The following UBE3D variants were observed in gnomAD, a reference collection of about 807,000 sequenced individuals.
UBE3D encodes the protein E3 ubiquitin-protein ligase E3D.
In UBE3D, 48 loss-of-function variants were observed where a neutral mutation model predicts 49.6. The ratio of observed to expected loss-of-function variants is 0.97; its 90% CI spans 0.77 to 1.23. The LOEUF is 1.23. Among genes scored for constraint, UBE3D ranks in the 50% most tolerant of loss-of-function variants. The pLI, the probability that UBE3D is intolerant of heterozygous loss-of-function variation, is 0.00. For missense variants in UBE3D, 452 were observed against 468.4 expected, an observed-to-expected ratio of 0.96 and a Z score of 0.32; for synonymous variants, 189 against 174.2, an observed-to-expected ratio of 1.08 and a Z score of -0.67.
At chr6:82,942,669 A>G (rs1038511401) in intron 9 of UBE3D, among the ~76,000 whole-genome samples, 1 of 152,230 alleles carries the variant, frequency 6.6e-6, no homozygotes, top group Non-Finnish European at 1.5e-5. Flanking sequence ...GGTGGCTTAC[A>G]TGTGGTATTG....
chr6:82,893,071 T>C, intron 9 of UBE3D, 29 bp from the exon 10 acceptor site: 1 of 1,612,746 alleles, frequency 6.2e-7, no homozygotes, highest in Middle Eastern at 1.7e-4. Flanking sequence ...CCCACAATGC[T>C]TTACTTCTAT....
chr6:82,889,129 T>C (rs1770938053), downstream of UBE3D, among the ~76,000 whole-genome samples: 1 of 152,228 alleles, frequency 6.6e-6, no homozygotes, highest in South Asian at 2.1e-4. Context: ...ACTCCTCTGA[T>C]GGGTAACACT....
intron 9 of UBE3D, among the ~76,000 whole-genome samples, chr6:82,901,630 G>T (rs2127717878): frequency 6.6e-6 from 1 of 152,222 alleles, no homozygotes; most frequent in African/African-American, 2.4e-5. Context: ...AGCTAATTAG[G>T]CGAGGACTCA....
chr6:82,894,187 C>T (rs922143235), intron 9 of UBE3D, among the ~76,000 whole-genome samples: 6 of 152,086 alleles, frequency 3.9e-5, no homozygotes, highest in African/African-American at 1.2e-4. Context: ...GTAAGCCTCG[C>T]CCCCACCCCC....
chr6:82,964,850 T>C (rs188163241), intron 8 of UBE3D, among the ~76,000 whole-genome samples: 23 of 152,300 alleles, frequency 1.5e-4, no homozygotes, highest in African/African-American at 5.3e-4. Flanking sequence ...TCAAAAGCAT[T>C]AATTAAATAA....
chr6:82,968,426 C>A (rs776901352), intron 8 of UBE3D, among the ~76,000 whole-genome samples: 13 of 149,172 alleles, frequency 8.7e-5, no homozygotes, highest in Admixed American at 8.7e-4. Flanking sequence ...CTATATAACA[C>A]ATCAAGGTGT....
intron 2 of UBE3D, among the ~76,000 whole-genome samples, chr6:83,056,223 C>T (rs1783807022): frequency 1.3e-5 from 2 of 152,086 alleles, no homozygotes; most frequent in African/African-American, 2.4e-5. Flanking sequence ...GGGCAAAAAC[C>T]CAATACTATG....
chr6:82,985,271 T>C (rs1778396942), intron 8 of UBE3D, among the ~76,000 whole-genome samples: 1 of 152,186 alleles, frequency 6.6e-6, no homozygotes, highest in Non-Finnish European at 1.5e-5. Flanking sequence ...AGATTTTGAG[T>C]CACTGTTAAA....
chr6:83,015,694 T>C (rs1473861763), intron 8 of UBE3D, among the ~76,000 whole-genome samples: 1 of 152,180 alleles, frequency 6.6e-6, no homozygotes, highest in Non-Finnish European at 1.5e-5. Context: ...AGTCTAGTTA[T>C]AGGTCTAGAA....
intron 3 of UBE3D, among the ~76,000 whole-genome samples, chr6:83,051,333 G>A (rs1783455329): frequency 6.6e-6 from 1 of 152,124 alleles, no homozygotes; most frequent in African/African-American, 2.4e-5. Flanking sequence ...AGTGAGTGCT[G>A]CCCTTTTAGT....
chr6:82,960,890 C>A (rs992861989), intron 8 of UBE3D, among the ~76,000 whole-genome samples: 1 of 152,126 alleles, frequency 6.6e-6, no homozygotes, highest in Non-Finnish European at 1.5e-5. Context: ...ATACCACTGA[C>A]CCCAACTCCT....
chr6:82,965,570 C>T (rs998461761), intron 8 of UBE3D, among the ~76,000 whole-genome samples: 6 of 116,724 alleles, frequency 5.1e-5, no homozygotes, highest in African/African-American at 1.7e-4. Context: ...ACAACAAGAG[C>T]GAAACTCCAT....
chr6:82,967,070 A>G (rs1444908293), intron 8 of UBE3D, among the ~76,000 whole-genome samples: 1 of 152,084 alleles, frequency 6.6e-6, no homozygotes, highest in African/African-American at 2.4e-5. Flanking sequence ...CAAGCCCCAC[A>G]TGATTTACTC....
chr6:82,978,546 A>C (rs941438832), intron 8 of UBE3D, among the ~76,000 whole-genome samples: 1 of 152,188 alleles, frequency 6.6e-6, no homozygotes, highest in Non-Finnish European at 1.5e-5. Context: ...AAAGTTTTAC[A>C]CTTGCATATG....
At chr6:82,990,171 T>A (rs763733485) in intron 8 of UBE3D, among the ~76,000 whole-genome samples, 9 of 152,196 alleles carry the variant, frequency 5.9e-5, no homozygotes, top group Admixed American at 2.0e-4. Context: ...GAATCCCTCA[T>A]GTGGCTGAAG....
intron 1 of UBE3D, among the ~76,000 whole-genome samples, chr6:83,063,503 G>C (rs563126127): frequency 6.7e-6 from 1 of 149,774 alleles, no homozygotes; most frequent in African/African-American, 2.5e-5. Context: ...ATTTATGTGA[G>C]AAAGCTCTTG....
chr6:82,918,807 C>T (rs1773111638), intron 9 of UBE3D, among the ~76,000 whole-genome samples: 1 of 151,636 alleles, frequency 6.6e-6, no homozygotes, highest in African/African-American at 2.4e-5. Flanking sequence ...GCCAGACCCC[C>T]TCATCTCTCA....
chr6:82,917,666 C>T (rs905850885), intron 9 of UBE3D, among the ~76,000 whole-genome samples: 1 of 152,164 alleles, frequency 6.6e-6, no homozygotes, highest in African/African-American at 2.4e-5. Flanking sequence ...AGGGAGAATC[C>T]CACAAACCTG....
chr6:83,034,609 A>C (rs1782112138), intron 5 of UBE3D, among the ~76,000 whole-genome samples: 2 of 152,068 alleles, frequency 1.3e-5, no homozygotes, highest in Non-Finnish European at 2.9e-5. Context: ...CCGTCTCACG[A>C]TAGAGTTATC....
Sources: gnomAD v4.1 joint callset for allele counts (sites outside exome capture counted in the v4.1 genomes callset) on GRCh38, gnomAD v4.1.1 for gene constraint, MANE v1.5 for transcripts, NCBI Gene and HGNC (gene_info 2026-07-23, HGNC 2026-07-21) for gene names.